ATRN: variants seen among roughly 807,000 people sequenced by gnomAD.
ATRN encodes attractin.
ATRN carries 54 observed loss-of-function variants against 178.7 expected under a neutral mutation model. That is an observed-to-expected ratio of 0.30 (90% confidence interval 0.24 to 0.38). ATRN has a LOEUF of 0.38. Ranked by LOEUF, ATRN falls within the 10% of genes least tolerant of loss-of-function variation. The pLI is 1.00. For missense variants in ATRN, 1,443 were observed against 1,815.1 expected (o/e 0.79, Z 3.73); for synonymous variants, 636 against 663.0 (o/e 0.96, Z 0.63).
At chr20:3,512,807 G>C (rs2085154695) in intron 1 of ATRN, among the ~76,000 whole-genome samples, 1 of 152,298 alleles carries the variant, frequency 6.6e-6, no homozygotes, top group African/African-American at 2.4e-5. Flanking sequence ...ATTCTAACTG[G>C]TGTGAGATGA....
intron 9 of ATRN, 114 bp downstream of exon 9, chr20:3,562,573 C>T (rs2085970756): frequency 4.9e-6 from 5 of 1,016,324 alleles, no homozygotes; most frequent in Non-Finnish European, 7.2e-6. Flanking sequence ...TTCTGTTCGG[C>T]ATTATATATA....
rs2087038825 is a variant in ATRN at position 3,638,051 on chromosome 20, C to T, written c.3943-777C>T. 1.3e-5 allele frequency among the ~76,000 whole-genome samples: 2 copies of T among 152,256 alleles called. No individual in the cohort carries two copies. The highest frequency in any genetic ancestry group is 4.1e-4 in the South Asian group (2 of 4,824). On this transcript the variant is annotated intron_variant, in intron 26 of 28. Transcript: ENST00000262919. This position sits in a 1 kb window ranked among gnomAD's most constrained non-coding sequence, Gnocchi z 4.5. ...TAGTAGAAATACGAGGAGATAGAGC[C>T]ACACCATTTTATGTATTTGACAAGT...
intron 10 of ATRN, among the ~76,000 whole-genome samples, 171 bp from the exon 11 acceptor site, chr20:3,565,177 T>A (rs1214855256): frequency 1.3e-5 from 2 of 152,202 alleles, no homozygotes; most frequent in Non-Finnish European, 2.9e-5. Context: ...TTCCATGCCC[T>A]GTTGCTCTGC....
intron 1 of ATRN, among the ~76,000 whole-genome samples, chr20:3,513,184 A>G (rs1281863257): frequency 6.6e-6 from 1 of 152,160 alleles, no homozygotes; most frequent in African/African-American, 2.4e-5. Flanking sequence ...GTCCTTGCCC[A>G]TGCCTGTGTC....
chr20:3,589,093 C>T (rs1319527671), intron 18 of ATRN, among the ~76,000 whole-genome samples: 5 of 143,756 alleles, frequency 3.5e-5, no homozygotes, highest in Non-Finnish European at 7.5e-5. Context: ...AGTGATTCTC[C>T]TGCCTCAGCC....
At chr20:3,589,078 G>A (rs1449602672) in intron 18 of ATRN, among the ~76,000 whole-genome samples, 1 of 140,104 alleles carries the variant, frequency 7.1e-6, no homozygotes, top group African/African-American at 2.6e-5. Context: ...CGCCTCCAGG[G>A]TTCAAGTGAT....
chr20:3,505,269 C>T (rs1347268739), intron 1 of ATRN, among the ~76,000 whole-genome samples: 1 of 152,196 alleles, frequency 6.6e-6, no homozygotes, highest in Admixed American at 6.5e-5. Context: ...CCTTGGAAAT[C>T]GGAACTCCAG....
intron 6 of ATRN, among the ~76,000 whole-genome samples, chr20:3,555,888 T>C (rs1262269730): frequency 1.3e-5 from 2 of 152,174 alleles, no homozygotes; most frequent in Non-Finnish European, 2.9e-5. Flanking sequence ...CTGTAAAATC[T>C]AACAAGAACC....
Position 3,594,095 on chromosome 20 carries a change from C to A in ATRN, c.3323-384C>A, listed in dbSNP as rs1276253377. On this transcript the variant is annotated intron_variant, in intron 19 of 28. Transcript: ENST00000262919. ...GAGGACAGTCACCTCCAGAGCACCT[C>A]CCTAGGGGCAGCAGCTATGTCTGTG... Among the ~76,000 whole-genome samples, 3 of 152,146 alleles carry A rather than the reference C, an allele frequency of 2.0e-5. No individual in the cohort carries two copies. In the East Asian group the frequency reaches 5.8e-4, roughly 29 times the overall value.
In ATRN at chr20:3,645,585, A is replaced by G. The variant is rs2087101408; in HGVS notation, c.4166-1138A>G. Among the ~76,000 whole-genome samples the G allele has an allele frequency of 6.6e-6, 1 of 152,196 alleles. No homozygotes were observed. Among genetic ancestry groups the G allele is most frequent in the African/African-American group, 2.4e-5 (1 of 41,456 alleles). On this transcript the variant is annotated intron_variant, in intron 28 of 28. Transcript: ENST00000262919. This position sits in a 1 kb window ranked among gnomAD's most constrained non-coding sequence, Gnocchi z 4.7. The stretch of plus-strand genomic sequence containing the variant: ...TTTCCTGCTCCAGCCTTTGCCTGAC[A>G]TGCCCCAACCACCTGAAACACCTAA...
chr20:3,539,971 A>G (rs1270752735), intron 2 of ATRN, among the ~76,000 whole-genome samples: 3 of 152,308 alleles, frequency 2.0e-5, no homozygotes, highest in African/African-American at 7.2e-5. Context: ...AGAAGCTGTT[A>G]AAGAGTGGCC....
chr20:3,503,960 A>G (rs554911796), intron 1 of ATRN, among the ~76,000 whole-genome samples: 115 of 152,210 alleles, frequency 7.6e-4, no homozygotes, highest in Non-Finnish European at 1.3e-3. Context: ...GAAAGCAGCC[A>G]GAGAGAAATG....
At chr20:3,490,853 C>G in intron 1 of ATRN, 1 of 835,248 alleles carries the variant, frequency 1.2e-6, no homozygotes, top group Middle Eastern at 2.2e-4. Flanking sequence ...CCCTCAGGTT[C>G]CCACTGACCT....
chr20:3,548,375 C>T (rs1003050295), intron 5 of ATRN, among the ~76,000 whole-genome samples: 19 of 152,092 alleles, frequency 1.2e-4, no homozygotes, highest in African/African-American at 4.1e-4. Context: ...CCAAGGCAGG[C>T]GGCTCACTGA....
At chr20:3,587,940 A>G (rs1431871696) in intron 18 of ATRN, among the ~76,000 whole-genome samples, 4 of 152,086 alleles carry the variant, frequency 2.6e-5, no homozygotes, top group African/African-American at 7.2e-5. Context: ...CCGCTTTCCC[A>G]GGCTCAAGTG....
Position 3,648,056 on chromosome 20 carries a change from T to C in ATRN, c.*1209T>C, listed in dbSNP as rs1272090059. On this transcript the variant is annotated 3_prime_UTR_variant, in exon 29 of 29. Transcript: ENST00000262919. ...TGTCCTGCAGCCTCCTCTGAACTTG[T>C]GGTTCATTCTCAGGCTGGGGTGGAC... 6.6e-6 allele frequency: 1 copy of C among 152,200 alleles called. No individual in the cohort carries two copies. Among genetic ancestry groups the C allele is most frequent in the Non-Finnish European group, 1.5e-5 (1 of 68,068 alleles). 9.4% of individuals were successfully genotyped at this position (152,200 alleles called of 1,614,324 possible).
At chr20:3,623,097 A>C (rs2086909429) in intron 24 of ATRN, among the ~76,000 whole-genome samples, 1 of 152,060 alleles carries the variant, frequency 6.6e-6, no homozygotes, top group Admixed American at 6.6e-5. Flanking sequence ...GCTGGGGTGG[A>C]CTCTAATCTG....
At chr20:3,590,321 C>A (rs973120981) in intron 18 of ATRN, among the ~76,000 whole-genome samples, 1 of 152,128 alleles carries the variant, frequency 6.6e-6, no homozygotes, top group African/African-American at 2.4e-5. Context: ...TGGAAGGTTG[C>A]CAAGATGGTG....
At chr20:3,476,903 T>G (rs1030487638) in intron 1 of ATRN, among the ~76,000 whole-genome samples, 6 of 151,882 alleles carry the variant, frequency 4.0e-5, no homozygotes, top group Non-Finnish European at 8.8e-5. Context: ...TGTGAAGAAG[T>G]GAAAAGTTAA....
Sources: allele counts gnomAD v4.1 joint callset (sites outside exome capture counted in the v4.1 genomes callset), GRCh38; gene constraint gnomAD v4.1.1; non-coding constraint Gnocchi (gnomAD v3.1); transcripts MANE v1.5; gene names NCBI Gene and HGNC (gene_info 2026-07-23, HGNC 2026-07-21).